Variants in KIAA1549L observed in about 807,000 individuals in gnomAD.
KIAA1549L encodes the protein KIAA1549 like, also known as UPF0606 protein KIAA1549L.
A neutral mutation model predicts 160.7 loss-of-function variants in KIAA1549L; 88 were observed. The observed-to-expected ratio is 0.55, with a 90% confidence interval of 0.46 to 0.65. KIAA1549L has a LOEUF of 0.65. Ranked by LOEUF, KIAA1549L falls within the 30% of genes least tolerant of loss-of-function variation. The pLI, the probability that KIAA1549L is intolerant of heterozygous loss-of-function variation, is 0.00. For missense variants in KIAA1549L, 2,258 were observed against 2,437.5 expected (o/e 0.93, Z 1.55); for synonymous variants, 950 against 976.7 (o/e 0.97, Z 0.51).
intron 1 of KIAA1549L, among the ~76,000 whole-genome samples, chr11:33,405,079 T>C (rs1850617416): frequency 6.6e-6 from 1 of 152,154 alleles, no homozygotes; most frequent in South Asian, 2.1e-4. Context: ...GAAAATGTTT[T>C]ATTTTCATTT....
chr11:33,483,239 G>T (rs1590278407), intron 1 of KIAA1549L, among the ~76,000 whole-genome samples: 2 of 152,266 alleles, frequency 1.3e-5, no homozygotes, highest in South Asian at 2.1e-4. Context: ...TGTAATAAAT[G>T]ATTTGGAGAA....
intron 19 of KIAA1549L, 111 bp downstream of exon 19, chr11:33,659,009 G>A: frequency 2.7e-6 from 3 of 1,125,480 alleles, no homozygotes; most frequent in South Asian, 3.4e-5. Flanking sequence ...AGGAATCACA[G>A]CCACTGCATT....
At chr11:33,557,387 G>A (rs74459725) in intron 6 of KIAA1549L, among the ~76,000 whole-genome samples, 13,406 of 151,840 alleles carry the variant, frequency 0.088, 785 homozygotes, top group East Asian at 0.3. Context: ...TTAGGTGGCC[G>A]TATGGTGAAG....
At chr11:33,398,880 C>CT (rs1165476322) in intron 1 of KIAA1549L, among the ~76,000 whole-genome samples, 1 of 151,420 alleles carries the variant, frequency 6.6e-6, no homozygotes, top group Non-Finnish European at 1.5e-5. Context: ...GTTAAAAAGA[C>CT]TTAATAATCA....
Position 33,633,139 on chromosome 11 carries a change from C to CTTTTTTTTTTTTTT in KIAA1549L, c.5410-12529_5410-12516dup, listed in dbSNP as rs56310347. Among the ~76,000 whole-genome samples the CTTTTTTTTTTTTTT allele has an allele frequency of 5.3e-4, 27 of 50,730 alleles. 2 individuals are homozygous for CTTTTTTTTTTTTTT. Among genetic ancestry groups the CTTTTTTTTTTTTTT allele is most frequent in the African/African-American group, 1.1e-3 (13 of 11,776 alleles). 33.3% of individuals were successfully genotyped at this position (50,730 alleles called of 152,430 possible). ...GACAGGTGCCCACCACCATGCCCAGCTTTTTTTTTTTTTTTTTTTTTTTTT... is the reference window on the plus strand; with the variant it reads ...GACAGGTGCCCACCACCATGCCCAGCTTTTTTTTTTTTTTTTTTTTTTTTTTTTTTTTTTTTTTT... On this transcript the variant is annotated intron_variant, in intron 16 of 20. Transcript: ENST00000658780.
intron 12 of KIAA1549L, among the ~76,000 whole-genome samples, chr11:33,593,774 T>C (rs1850127634): frequency 1.3e-5 from 2 of 152,170 alleles, no homozygotes; most frequent in African/African-American, 4.8e-5. Context: ...ACATTTGAGA[T>C]GCCTGTTAGG....
At chr11:33,570,247 C>T (rs1343312915) in intron 9 of KIAA1549L, among the ~76,000 whole-genome samples, 2 of 152,112 alleles carry the variant, frequency 1.3e-5, no homozygotes, top group East Asian at 1.9e-4. Flanking sequence ...CATGATCCAC[C>T]CACCTCAGCC....
At chr11:33,408,225 C>T (rs1850707760) in intron 1 of KIAA1549L, among the ~76,000 whole-genome samples, 1 of 152,090 alleles carries the variant, frequency 6.6e-6, no homozygotes, top group Admixed American at 6.5e-5. Context: ...TGAGCTAATA[C>T]ATTCTGGAGC....
chr11:33,417,378 G>A (rs1313216533), intron 1 of KIAA1549L, among the ~76,000 whole-genome samples: 1 of 152,090 alleles, frequency 6.6e-6, no homozygotes, highest in East Asian at 1.9e-4. Context: ...CTCACTGTAG[G>A]CGCTGCACAC....
rs751672011 is a variant in KIAA1549L, at chr11:33,591,428, A to G, written c.4751+7A>G. ...CCACTGAAACCAGGAAGAGGTAGGC[A>G]CGGGGCTGACTTCTGCCTCTCTGTG... On this transcript the variant is annotated splice_region_variant and intron_variant, in intron 12 of 20. Coordinates refer to ENST00000658780, the MANE Select transcript of KIAA1549L (RefSeq NM_012194.3). 3.1e-6 allele frequency: 5 copies of G among 1,594,442 alleles called. 1 individual carries two copies. The South Asian group carries it at 4.5e-5, about 14-fold the overall frequency.
At position 33,669,919 on chromosome 11, in the gene KIAA1549L, TAAATA is replaced by T. The variant is rs1006950606; in HGVS notation, c.*1770_*1774del. 1.3e-5 allele frequency: 2 copies of T among 152,258 alleles called. No individual in the cohort carries two copies. Among genetic ancestry groups the T allele is most frequent in the African/African-American group, 4.8e-5 (2 of 41,464 alleles). The allele number at this position is 152,258 out of a possible 1,614,324, so 9.4% of individuals were successfully genotyped here. ...TGTTACTTAAAAAGGAAATCAGCTATAAATAAAATGTATTTTTGTAATTCCCGTGT... is the reference window on the plus strand; with the variant it reads ...TGTTACTTAAAAAGGAAATCAGCTATAAATGTATTTTTGTAATTCCCGTGT... On this transcript the variant is annotated 3_prime_UTR_variant, in exon 21 of 21. Transcript: ENST00000658780.
At chr11:33,495,328 C>T (rs1473452207) in intron 1 of KIAA1549L, among the ~76,000 whole-genome samples, 1 of 150,864 alleles carries the variant, frequency 6.6e-6, no homozygotes, top group Non-Finnish European at 1.5e-5. Flanking sequence ...TTCCTGTGTC[C>T]ATGCGTTCTC....
intron 1 of KIAA1549L, among the ~76,000 whole-genome samples, chr11:33,513,369 T>A (rs562530227): frequency 6.6e-5 from 10 of 152,258 alleles, no homozygotes; most frequent in Middle Eastern, 3.4e-3. Flanking sequence ...AGGGAGTCTC[T>A]GGTTGCTAGT....
At chr11:33,421,886 C>G (rs77218268) in intron 1 of KIAA1549L, among the ~76,000 whole-genome samples, 3,051 of 152,160 alleles carry the variant, frequency 0.02, 98 homozygotes, top group African/African-American at 0.07. Context: ...CTCATGGCTC[C>G]CCTGCTACCA....
At chr11:33,654,761 G>A (rs2133428996) in intron 17 of KIAA1549L, among the ~76,000 whole-genome samples, 1 of 152,340 alleles carries the variant, frequency 6.6e-6, no homozygotes, top group Non-Finnish European at 1.5e-5. Context: ...TTGCTGAGGT[G>A]TGGGGTAGGG....
chr11:33,407,169 C>G (rs1333168296), intron 1 of KIAA1549L, among the ~76,000 whole-genome samples: 1 of 140,776 alleles, frequency 7.1e-6, no homozygotes, highest in Non-Finnish European at 1.5e-5. Context: ...ACTACAAACT[C>G]CGCCTCCCGG....
At chr11:33,581,785 C>A (rs1411366710) in intron 10 of KIAA1549L, among the ~76,000 whole-genome samples, 6 of 152,168 alleles carry the variant, frequency 3.9e-5, no homozygotes, top group African/African-American at 1.4e-4. Context: ...CCTAACTTTA[C>A]TCTTGTTTTG....
intron 16 of KIAA1549L, among the ~76,000 whole-genome samples, chr11:33,638,444 A>AT (rs1851503244): frequency 1.0e-4 from 2 of 19,590 alleles, no homozygotes; most frequent in Non-Finnish European, 1.7e-4. Context: ...AAATAAATAA[A>AT]TAAATAAATA....
At chr11:33,551,651 C>T (rs1044873599) in intron 5 of KIAA1549L, among the ~76,000 whole-genome samples, 18 of 151,598 alleles carry the variant, frequency 1.2e-4, no homozygotes, top group Non-Finnish European at 2.5e-4. Context: ...GAGTTTAGGT[C>T]TTCGAATATA....
Sources: allele counts gnomAD v4.1 joint callset (sites outside exome capture counted in the v4.1 genomes callset), GRCh38; gene constraint gnomAD v4.1.1; transcripts MANE v1.5; gene names NCBI Gene and HGNC (gene_info 2026-07-23, HGNC 2026-07-21).